The following NEO1 variants were observed in gnomAD, a reference collection of about 807,000 sequenced individuals.
NEO1 encodes neogenin 1.
Under a neutral mutation model 159.7 loss-of-function variants are expected in NEO1, and 63 were observed. That is an observed-to-expected ratio of 0.39 (90% CI 0.32 to 0.49). The LOEUF (loss-of-function observed/expected upper bound fraction) is 0.49, where lower values mean the gene tolerates loss of function less well. NEO1 is among the 20% of genes least tolerant of loss of function. The pLI is 0.85. For synonymous variants in NEO1, 633 were observed against 662.0 expected (o/e 0.96, Z 0.67); for missense variants, 1,615 against 1,831.0 (o/e 0.88, Z 2.15).
intron 5 of NEO1, among the ~76,000 whole-genome samples, chr15:73,146,557 T>C (rs963308026): frequency 1.3e-5 from 2 of 152,226 alleles, no homozygotes; most frequent in Non-Finnish European, 2.9e-5. Flanking sequence ...ATTGCATCAG[T>C]GGTCATGTTA....
chr15:73,101,352 A>G (rs1189999111), intron 1 of NEO1, among the ~76,000 whole-genome samples: 1 of 152,240 alleles, frequency 6.6e-6, no homozygotes. Context: ...TTATGTGCAC[A>G]TTAATAGTCA....
intron 8 of NEO1, among the ~76,000 whole-genome samples, chr15:73,242,371 A>C (rs953311254): frequency 2.0e-5 from 3 of 152,122 alleles, no homozygotes; most frequent in Non-Finnish European, 4.4e-5. Context: ...AAATGTTATT[A>C]AAAAAATCAT....
chr15:73,130,177 T>C (rs1157201746), intron 4 of NEO1, among the ~76,000 whole-genome samples: 3 of 152,148 alleles, frequency 2.0e-5, no homozygotes, highest in Non-Finnish European at 4.4e-5. Flanking sequence ...TTTCACCATG[T>C]TGGCCAGGCT....
intron 22 of NEO1, 128 bp downstream of exon 22, chr15:73,278,327 T>A: frequency 1.4e-6 from 1 of 714,228 alleles, no homozygotes; most frequent in Non-Finnish European, 2.3e-6. Flanking sequence ...CTTTTATTGC[T>A]AGATTTAAGT....
intron 8 of NEO1, among the ~76,000 whole-genome samples, chr15:73,240,322 AGTTGG>A (rs1567573429): frequency 3.9e-5 from 6 of 152,154 alleles, no homozygotes; most frequent in Admixed American, 1.3e-4. Flanking sequence ...ATTAATTTGT[AGTTGG>A]AAGAGATACA....
chr15:73,140,555 A>G (rs989343719), intron 5 of NEO1, among the ~76,000 whole-genome samples: 1 of 152,108 alleles, frequency 6.6e-6, no homozygotes, highest in Non-Finnish European at 1.5e-5. Flanking sequence ...AACCATCTCT[A>G]AAAAATAAAA....
rs370536381 is a variant in NEO1 at position 73,197,666 on chromosome 15, CATT to C, written c.1291+19245_1291+19247del. On this transcript the variant is annotated intron_variant, in intron 7 of 28. Coordinates refer to ENST00000261908, the MANE Select transcript of NEO1 (RefSeq NM_002499.4). ...TCAACTTTGTTTTGTCTGATACTGA[CATT>C]ATTATACCTACCTTTTTTTTTTTTT... Among the ~76,000 whole-genome samples the C allele has an allele frequency of 5.3e-4, 78 of 147,248 alleles. No individual in the cohort carries two copies. In the South Asian group the frequency reaches 0.016, roughly 30 times the overall value.
intron 1 of NEO1, among the ~76,000 whole-genome samples, chr15:73,098,463 A>G (rs1386027316): frequency 6.6e-6 from 1 of 152,150 alleles, no homozygotes; most frequent in Non-Finnish European, 1.5e-5. Flanking sequence ...AAAGTTATAT[A>G]TATGTGTGTG....
rs79449045 is a variant in NEO1 at position 73,170,839 on chromosome 15, G to A, written c.1016-5564G>A. On this transcript the variant is annotated intron_variant, in intron 5 of 28. Coordinates refer to ENST00000261908, the MANE Select transcript of NEO1 (RefSeq NM_002499.4). Reference sequence around the variant, plus strand: ...TATAGTAATAAGTAATATAAGGGATGTTTCTCTTTACAGAATGAGTGATAG... The same window carrying A: ...TATAGTAATAAGTAATATAAGGGATATTTCTCTTTACAGAATGAGTGATAG... 0.018 allele frequency among the ~76,000 whole-genome samples: 2,747 copies of A among 152,220 alleles called. 156 individuals are homozygous for A. The East Asian group carries it at 0.2, about 11-fold the overall frequency.
Position 73,288,464 on chromosome 15 carries a change from A to C in NEO1, c.3562A>C (p.Thr1188Pro), listed in dbSNP as rs773663024. 1 of 1,614,144 alleles carries C rather than the reference A, an allele frequency of 6.2e-7. No homozygotes were observed. Among genetic ancestry groups the C allele is most frequent in the South Asian group, 1.1e-5 (1 of 91,084 alleles). Reference protein sequence around the residue: ...SPDPNPIMTDTPIPRNSQDIT... With the variant: ...SPDPNPIMTDPPIPRNSQDIT... ...AGACCCAAACCCCATCATGACTGAT[A>C]CTCCAATTCCTCGCAACTCTCAAGA... is the stretch of plus-strand genomic sequence containing the variant. The change falls in exon 24 of 29, where the codon ACT becomes CCT. Residue 1188 changes from threonine to proline, a missense_variant. Thr to Pro is a conservative substitution (Grantham distance 38). This residue lies in a region of NEO1 where 471 missense variants were observed against 498.9 expected (regional missense o/e 0.94). Coordinates refer to ENST00000261908, the MANE Select transcript of NEO1 (RefSeq NM_002499.4).
At chr15:73,117,072 G>C (rs1454631472) in intron 2 of NEO1, among the ~76,000 whole-genome samples, 1 of 152,144 alleles carries the variant, frequency 6.6e-6, no homozygotes, top group East Asian at 1.9e-4. Flanking sequence ...CCACTTGTCT[G>C]ATGGCTTAAT....
chr15:73,152,161 C>A (rs540115267), intron 5 of NEO1, among the ~76,000 whole-genome samples: 13 of 152,274 alleles, frequency 8.5e-5, no homozygotes, highest in African/African-American at 2.9e-4. Flanking sequence ...TCTCCCATAG[C>A]CTTTGTTACA....
Position 73,052,717 on chromosome 15 carries a change from C to G in NEO1, c.42C>G (p.Pro14=), listed in dbSNP as rs971314570. The G allele has an allele frequency of 5.2e-6, 7 of 1,358,082 alleles. No homozygotes were observed. Among genetic ancestry groups the G allele is most frequent in the Non-Finnish European group, 5.7e-6 (6 of 1,047,744 alleles). The allele number at this position is 1,358,082 out of a possible 1,614,324, so 84.1% of individuals were successfully genotyped here. ...ERGARRLLST[P]SFWLYCLLLL... is the part of the protein sequence containing the mutation. ...GAGCCCGGCGACTCCTCAGCACCCC[C>G]TCCTTCTGGCTCTACTGCCTGCTGC... The change falls in exon 1 of 29, where the codon CCC becomes CCG. Residue 14 remains proline (P), a synonymous_variant. Transcript: ENST00000261908.
At chr15:73,219,943 T>A (rs542238510) in intron 7 of NEO1, among the ~76,000 whole-genome samples, 48 of 152,202 alleles carry the variant, frequency 3.2e-4, no homozygotes, top group Non-Finnish European at 5.7e-4. Flanking sequence ...AATATTGTTA[T>A]GTGTGAATTT....
intron 8 of NEO1, among the ~76,000 whole-genome samples, chr15:73,237,813 GAAAATCTCAT>G (rs1248447040): frequency 2.0e-5 from 3 of 152,146 alleles, no homozygotes; most frequent in Non-Finnish European, 4.4e-5. Context: ...AAATCTCATT[GAAAATCTCAT>G]AAGCTTTCAC....
At chr15:73,082,970 G>A (rs1372021471) in intron 1 of NEO1, among the ~76,000 whole-genome samples, 1 of 152,198 alleles carries the variant, frequency 6.6e-6, no homozygotes, top group East Asian at 1.9e-4. Flanking sequence ...TTTAAAGTGG[G>A]AAGGAGAGTG....
At chr15:73,258,263 C>T (rs767332824) in intron 13 of NEO1, among the ~76,000 whole-genome samples, 2 of 151,996 alleles carry the variant, frequency 1.3e-5, no homozygotes, top group Admixed American at 6.6e-5. Flanking sequence ...ATTTTGAGAC[C>T]GTATTTGGTG....
At chr15:73,146,047 G>T (rs1190963605) in intron 5 of NEO1, among the ~76,000 whole-genome samples, 1 of 152,070 alleles carries the variant, frequency 6.6e-6, no homozygotes, top group Non-Finnish European at 1.5e-5. Context: ...CCCTTGCCTG[G>T]CTTTCCTCAG....
chr15:73,241,253 C>T (rs749893038), intron 8 of NEO1, among the ~76,000 whole-genome samples: 1 of 152,318 alleles, frequency 6.6e-6, no homozygotes, highest in African/African-American at 2.4e-5. Flanking sequence ...TTCTGCTATT[C>T]ATAGCACTTT....
Sources: allele counts gnomAD v4.1 joint callset (sites outside exome capture counted in the v4.1 genomes callset), GRCh38; gene constraint gnomAD v4.1.1; regional missense constraint gnomAD v4.1.1; transcripts MANE v1.5; gene names NCBI Gene and HGNC (gene_info 2026-07-23, HGNC 2026-07-21).